CHCHD3: variants seen among roughly 807,000 people sequenced by gnomAD.
The protein encoded by CHCHD3 is MICOS complex subunit MIC19.
Under a neutral mutation model 38.2 loss-of-function variants are expected in CHCHD3, and 20 were observed. The ratio of observed to expected loss-of-function variants is 0.52; its 90% CI spans 0.37 to 0.76. The LOEUF is 0.76. Ranked by LOEUF, CHCHD3 falls within the 30% of genes least tolerant of loss-of-function variation. The pLI is 0.00. For missense variants in CHCHD3, 245 were observed against 279.2 expected (o/e 0.88, Z 0.87); for synonymous variants, 82 against 100.0 (o/e 0.82, Z 1.07).
chr7:132,945,829 G>A (rs2117278176), intron 4 of CHCHD3, among the ~76,000 whole-genome samples: 1 of 152,006 alleles, frequency 6.6e-6, no homozygotes, highest in East Asian at 1.9e-4. Flanking sequence ...ATGGTATAAT[G>A]TGCTTTTTTC....
At chr7:132,889,307 T>C (rs961060998) in intron 4 of CHCHD3, among the ~76,000 whole-genome samples, 5 of 152,070 alleles carry the variant, frequency 3.3e-5, no homozygotes, top group African/African-American at 4.8e-5. Context: ...ATGTTCCCTT[T>C]GTTCACAAAG....
intron 4 of CHCHD3, among the ~76,000 whole-genome samples, chr7:132,926,089 A>G (rs1014639038): frequency 6.6e-6 from 1 of 152,198 alleles, no homozygotes; most frequent in Non-Finnish European, 1.5e-5. Context: ...GCAAGCCACT[A>G]CGGAGTTTCT....
chr7:132,794,933 CATG>C (rs1806566934), intron 7 of CHCHD3, among the ~76,000 whole-genome samples: 1 of 152,220 alleles, frequency 6.6e-6, no homozygotes, highest in East Asian at 1.9e-4. Context: ...ACTATCGCGC[CATG>C]TGGCGTATTT....
At chr7:132,981,562 T>C (rs1012257382) in intron 3 of CHCHD3, among the ~76,000 whole-genome samples, 4 of 152,148 alleles carry the variant, frequency 2.6e-5, no homozygotes, top group Non-Finnish European at 4.4e-5. Context: ...TTTGCCAGAG[T>C]CTAAATTATT....
intron 3 of CHCHD3, among the ~76,000 whole-genome samples, chr7:133,005,559 G>C (rs1322643261): frequency 1.3e-5 from 2 of 152,076 alleles, no homozygotes; most frequent in Non-Finnish European, 2.9e-5. Flanking sequence ...TAAGCCCAAA[G>C]CTCAGTCACT....
At chr7:133,003,575 G>C (rs151052253) in intron 3 of CHCHD3, among the ~76,000 whole-genome samples, 4 of 152,152 alleles carry the variant, frequency 2.6e-5, no homozygotes, top group Non-Finnish European at 4.4e-5. Context: ...CAGTGGAAAA[G>C]CACCATTTGG....
chr7:132,946,473 G>A (rs1279547879), intron 4 of CHCHD3, among the ~76,000 whole-genome samples: 1 of 151,744 alleles, frequency 6.6e-6, no homozygotes, highest in Non-Finnish European at 1.5e-5. Flanking sequence ...GTTAAAACTG[G>A]AATTTCATGT....
At chr7:132,994,535 A>C (rs1396645635) in intron 3 of CHCHD3, among the ~76,000 whole-genome samples, 5 of 152,234 alleles carry the variant, frequency 3.3e-5, no homozygotes, top group African/African-American at 1.2e-4. Context: ...TAATGAAGTT[A>C]TATGAGAAAA....
chr7:132,827,147 TAC>T (rs1303528176), intron 6 of CHCHD3, among the ~76,000 whole-genome samples: 1 of 152,196 alleles, frequency 6.6e-6, no homozygotes, highest in African/African-American at 2.4e-5. Context: ...TAGGACAAAT[TAC>T]AGATAGAAAC....
At chr7:133,073,599 G>A (rs565234918) in intron 1 of CHCHD3, among the ~76,000 whole-genome samples, 3 of 152,106 alleles carry the variant, frequency 2.0e-5, no homozygotes, top group African/African-American at 7.2e-5. Context: ...CAAACATAGG[G>A]CTTGTTCTTA....
intron 5 of CHCHD3, among the ~76,000 whole-genome samples, chr7:132,871,723 A>T (rs983001262): frequency 3.3e-5 from 5 of 152,152 alleles, no homozygotes; most frequent in African/African-American, 1.2e-4. Flanking sequence ...AGGAGTGATG[A>T]GATGTTACAG....
chr7:133,015,822 C>T (rs951935010), intron 3 of CHCHD3, among the ~76,000 whole-genome samples: 1 of 152,142 alleles, frequency 6.6e-6, no homozygotes, highest in African/African-American at 2.4e-5. Context: ...AATTAGCTCA[C>T]GGTTCTACAG....
intron 5 of CHCHD3, among the ~76,000 whole-genome samples, chr7:132,852,477 C>CTA (rs1386056229): frequency 6.6e-6 from 1 of 152,134 alleles, no homozygotes; most frequent in Non-Finnish European, 1.5e-5. Context: ...AAGGTCCATC[C>CTA]TATTGACCGA....
rs1806372277 is a variant in CHCHD3, at chr7:132,788,142, C to T, written c.661-2482G>A. Among the ~76,000 whole-genome samples the T allele has an allele frequency of 3.3e-5, 5 of 152,108 alleles. No individual in the cohort carries two copies. Among genetic ancestry groups the T allele is most frequent in the Non-Finnish European group, 2.9e-5 (2 of 68,028 alleles). On this transcript the variant is annotated intron_variant, in intron 7 of 7. Coordinates refer to ENST00000262570, the MANE Select transcript of CHCHD3 (RefSeq NM_017812.4). The surrounding 1 kb of genome is among the most constrained non-coding windows in gnomAD (Gnocchi z 4.0). ...TCTCCAATCACATAGATGATAAGTT[C>T]TATAAATTCCAGATATATAGACAAC... is the stretch of plus-strand genomic sequence containing the variant.
At chr7:133,054,501 G>GA (rs916112023) in intron 2 of CHCHD3, among the ~76,000 whole-genome samples, 3 of 151,802 alleles carry the variant, frequency 2.0e-5, no homozygotes, top group Non-Finnish European at 4.4e-5. Flanking sequence ...ATAAAAACAG[G>GA]AAAAAAATGC....
chr7:132,907,614 G>A (rs1809828776), intron 4 of CHCHD3, among the ~76,000 whole-genome samples: 1 of 152,174 alleles, frequency 6.6e-6, no homozygotes, highest in South Asian at 2.1e-4. Context: ...GTGAGAACTA[G>A]TCTGTAGGAA....
intron 5 of CHCHD3, among the ~76,000 whole-genome samples, chr7:132,859,755 C>A (rs776149289): frequency 4.6e-5 from 7 of 152,118 alleles, no homozygotes; most frequent in Non-Finnish European, 1.0e-4. Flanking sequence ...TAAGAAGTAA[C>A]CCCCAGTTCA....
intron 4 of CHCHD3, among the ~76,000 whole-genome samples, chr7:132,914,121 GGCGTGTGTGTGTGTGT>G (rs1810039005): frequency 8.8e-6 from 1 of 113,968 alleles, no homozygotes; most frequent in African/African-American, 3.5e-5. Context: ...CACCATGCCT[GGCGTGTGTGTGTGTGT>G]GTGTGTGTGT....
intron 6 of CHCHD3, among the ~76,000 whole-genome samples, chr7:132,806,771 C>T (rs1806930637): frequency 6.6e-6 from 1 of 151,844 alleles, no homozygotes; most frequent in South Asian, 2.1e-4. Flanking sequence ...ACACATTCTG[C>T]AAGCAGACCA....
Sources: gnomAD v4.1 joint callset for allele counts (sites outside exome capture counted in the v4.1 genomes callset) on GRCh38, gnomAD v4.1.1 for gene constraint, Gnocchi (gnomAD v3.1) non-coding constraint, MANE v1.5 for transcripts, NCBI Gene and HGNC (gene_info 2026-07-23, HGNC 2026-07-21) for gene names.